Variants in EIF2AK3 observed in about 807,000 individuals in gnomAD.
The protein encoded by EIF2AK3 is eukaryotic translation initiation factor 2 alpha kinase 3.
EIF2AK3 carries 50 observed loss-of-function variants against 113.5 expected under a neutral mutation model. The ratio of observed to expected loss-of-function variants is 0.44; its 90% CI spans 0.35 to 0.56. The LOEUF is 0.56. Among genes scored for constraint, EIF2AK3 ranks in the 20% least tolerant of loss-of-function variants. The pLI, the probability that EIF2AK3 is intolerant of heterozygous loss-of-function variation, is 0.00. For synonymous variants in EIF2AK3, 448 were observed against 495.4 expected (o/e 0.90, Z 1.27); for missense variants, 1,185 against 1,378.0 (o/e 0.86, Z 2.22).
intron 10 of EIF2AK3, among the ~76,000 whole-genome samples, chr2:88,580,270 C>T (rs78355756): frequency 0.015 from 2,247 of 152,258 alleles, 56 homozygotes; most frequent in African/African-American, 0.051. Flanking sequence ...CTTCACTGAC[C>T]TGCACTGTAT....
intron 15 of EIF2AK3, among the ~76,000 whole-genome samples, chr2:88,560,243 C>T (rs1673913335): frequency 1.3e-5 from 2 of 152,098 alleles, no homozygotes; most frequent in African/African-American, 4.8e-5. Context: ...TGCTTATTGG[C>T]CATTTGTTTA....
rs2104411563 is a variant in EIF2AK3, at chr2:88,575,172, C to T, written c.2311G>A (p.Val771Met). The T allele has an allele frequency of 8.7e-6, 14 of 1,613,692 alleles. No individual in the cohort carries two copies. In the Middle Eastern group the frequency reaches 8.2e-4, roughly 95 times the overall value. The change falls in exon 13 of 17, where the codon GTG becomes ATG. Residue 771 changes from valine (V) to methionine (M), a missense_variant. By Grantham distance (21) the Val-to-Met change is conservative. Transcript: ENST00000303236. Reference protein sequence around the residue: ...LQDSCLTDCDVEDGTMDGNDE... With the variant: ...LQDSCLTDCDMEDGTMDGNDE... ...TTGCCATCCATAGTCCCATCTTCCACATCACAGTCTGTAAGGCAACTGTCC... is the reference window on the plus strand; with the variant it reads ...TTGCCATCCATAGTCCCATCTTCCATATCACAGTCTGTAAGGCAACTGTCC...
Position 88,575,100 on chromosome 2 carries a change from A to G in EIF2AK3, c.2383T>C (p.Tyr795His). 1 of 1,614,200 alleles carries G rather than the reference A, an allele frequency of 6.2e-7. No homozygotes were observed. Among genetic ancestry groups the G allele is most frequent in the South Asian group, 1.1e-5 (1 of 91,092 alleles). Residue 795 changes from tyrosine (Y) to histidine (H), a missense_variant, in exon 13 of 17, where the codon TAT becomes CAT. Coordinates refer to ENST00000303236, the MANE Select transcript of EIF2AK3 (RefSeq NM_004836.7). The part of the protein sequence containing the change: ...FELCPSEASP[Y>H]VRSRERTSSS... ...GAGGTTCTCTCCCTTGACCTTACAT[A>G]AGGAGAAGCTTCAGAAGGACAAAGT...
intron 13 of EIF2AK3, 102 bp from the exon 14 acceptor site, chr2:88,571,143 G>C (rs1024888900): frequency 1.5e-6 from 2 of 1,353,928 alleles, no homozygotes; most frequent in African/African-American, 2.9e-5. Flanking sequence ...CAACAAACTA[G>C]ATATTTTCAA....
intron 15 of EIF2AK3, among the ~76,000 whole-genome samples, chr2:88,559,604 G>A (rs1673887059): frequency 1.3e-5 from 2 of 149,858 alleles, no homozygotes; most frequent in Admixed American, 6.7e-5. Context: ...AGAGAAAGGG[G>A]AGAGAGAGAG....
Position 88,571,032 on chromosome 2 carries a change from T to C in EIF2AK3, c.2827A>G (p.Ile943Val), listed in dbSNP as rs1238631613. 2 of 1,614,136 alleles carry C rather than the reference T, an allele frequency of 1.2e-6. No homozygotes were observed. The highest frequency in any genetic ancestry group is 1.7e-6 in the Non-Finnish European group (2 of 1,180,020). The change falls in exon 14 of 17, where the codon ATA becomes GTA. Residue 943 changes from isoleucine (I) to valine (V), a missense_variant. Coordinates refer to ENST00000303236, the MANE Select transcript of EIF2AK3 (RefSeq NM_004836.7). ...ACCACATCATCCATTGTAAAGAATA[T>C]GTTGGATGGCTGGAAAGAATACAAC... ...LMHRDLKPSN[I>V]FFTMDDVVKV... is the part of the protein sequence containing the mutation.
chr2:88,587,955 T>A, intron 8 of EIF2AK3, 27 bp downstream of exon 8: 2 of 1,458,800 alleles, frequency 1.4e-6, no homozygotes, highest in Non-Finnish European at 1.9e-6. Flanking sequence ...AAAAATAAAA[T>A]AAATAAAACT....
rs983948877 is a variant in EIF2AK3 at position 88,611,501 on chromosome 2, ATTTTC to A, written c.438+2218_438+2222del. Among the ~76,000 whole-genome samples the A allele has an allele frequency of 1.3e-4, 19 of 151,904 alleles. No individual in the cohort carries two copies. The South Asian group carries it at 3.5e-3, about 28-fold the overall frequency. On this transcript the variant is annotated intron_variant, in intron 2 of 16. Transcript: ENST00000303236. ...ATCGCAGCTGTTTCAATACCTTCAG[ATTTTC>A]TTTTTTTTTTTCTATGAAGTAGAAA...
chr2:88,561,473 G>C (rs1021000822), intron 15 of EIF2AK3, among the ~76,000 whole-genome samples: 2 of 152,082 alleles, frequency 1.3e-5, no homozygotes, highest in Non-Finnish European at 2.9e-5. Context: ...GTGTTAGCCA[G>C]GATGATCTTG....
At chr2:88,565,676 A>T (rs1218458464) in intron 14 of EIF2AK3, among the ~76,000 whole-genome samples, 1 of 152,222 alleles carries the variant, frequency 6.6e-6, no homozygotes, top group Non-Finnish European at 1.5e-5. Flanking sequence ...ACTATGTAGA[A>T]AAATTGGATC....
At chr2:88,587,685 C>T (rs902454182) in intron 8 of EIF2AK3, among the ~76,000 whole-genome samples, 7 of 152,068 alleles carry the variant, frequency 4.6e-5, no homozygotes, top group African/African-American at 1.2e-4. Flanking sequence ...ACTTTGCCTG[C>T]GTTATCTCAT....
rs1674785067 is a variant in EIF2AK3, at chr2:88,588,075, C to G, written c.1336G>C (p.Gly446Arg). 1 of 1,529,416 alleles carries G rather than the reference C, an allele frequency of 6.5e-7. No homozygotes were observed. The highest frequency in any genetic ancestry group is 9.0e-7 in the Non-Finnish European group (1 of 1,111,672). The allele number at this position is 1,529,416 out of a possible 1,614,324, so 94.7% of individuals were successfully genotyped here. A position where few individuals can be genotyped will look rare whatever the true frequency, so the allele number is the denominator to read the frequency against. ...AGACATTTGTCAAATTCATCAGATCCTACCAAGACAGGAGTTCTGGAAGGA... is the reference window on the plus strand; with the variant it reads ...AGACATTTGTCAAATTCATCAGATCGTACCAAGACAGGAGTTCTGGAAGGA... Reference protein sequence around the residue: ...HSPSRTPVLVGSDEFDKCLSN... With the variant: ...HSPSRTPVLVRSDEFDKCLSN... The change falls in exon 8 of 17, where the codon GGA becomes CGA. Residue 446 changes from glycine (G) to arginine (R), a missense_variant. Gly to Arg is a moderately radical substitution (Grantham distance 125). Coordinates refer to ENST00000303236, the MANE Select transcript of EIF2AK3 (RefSeq NM_004836.7).
chr2:88,582,740 C>T (rs769482242), intron 10 of EIF2AK3, among the ~76,000 whole-genome samples: 1 of 152,026 alleles, frequency 6.6e-6, no homozygotes, highest in Non-Finnish European at 1.5e-5. Context: ...ATCTTTTCTG[C>T]CATAAAATCA....
rs931792857 is a variant in EIF2AK3 at position 88,590,813 on chromosome 2, G to A, written c.1002+5C>T. ...GTATTTTAAATCCTCAGTGGTGTTA[G>A]GTACCTGGTACTCCCATTCCAGATG... is the stretch of plus-strand genomic sequence containing the variant. On this transcript the variant is annotated splice_donor_5th_base_variant and intron_variant, in intron 5 of 16. Coordinates refer to ENST00000303236, the MANE Select transcript of EIF2AK3 (RefSeq NM_004836.7). 6.2e-7 allele frequency: 1 copy of A among 1,613,746 alleles called. No individual in the cohort carries two copies. Among genetic ancestry groups the A allele is most frequent in the Middle Eastern group, 1.7e-4 (1 of 6,058 alleles).
chr2:88,626,894 G>A (rs955200316), intron 1 of EIF2AK3, 73 bp downstream of exon 1: 23 of 1,557,514 alleles, frequency 1.5e-5, no homozygotes, highest in Non-Finnish European at 1.9e-5. Context: ...CCGGATCTCC[G>A]CCCCCCTACA....
At chr2:88,585,382 T>C (rs1401438964) in intron 9 of EIF2AK3, among the ~76,000 whole-genome samples, 2 of 152,100 alleles carry the variant, frequency 1.3e-5, no homozygotes, top group Non-Finnish European at 2.9e-5. Context: ...AGTGCCTGTG[T>C]AGCACTTACT....
At chr2:88,576,410 G>A in intron 12 of EIF2AK3, 144 bp downstream of exon 12, 3 of 1,193,748 alleles carry the variant, frequency 2.5e-6, no homozygotes, top group Non-Finnish European at 3.5e-6. Context: ...TTCACAAGTG[G>A]CTAGAGAACT....
chr2:88,626,503 T>C (rs1279827420), intron 1 of EIF2AK3, among the ~76,000 whole-genome samples: 1 of 152,194 alleles, frequency 6.6e-6, no homozygotes, highest in Non-Finnish European at 1.5e-5. Flanking sequence ...GACACTGATC[T>C]CAATCCTTGT....
intron 14 of EIF2AK3, 55 bp downstream of exon 14, chr2:88,570,819 G>C: frequency 6.3e-7 from 1 of 1,598,142 alleles, no homozygotes; most frequent in Non-Finnish European, 8.6e-7. Flanking sequence ...CATGAGAAGA[G>C]ATTCATCAGG....
Sources: gnomAD v4.1 joint callset for allele counts (sites outside exome capture counted in the v4.1 genomes callset) on GRCh38, gnomAD v4.1.1 for gene constraint, MANE v1.5 for transcripts, NCBI Gene and HGNC (gene_info 2026-07-23, HGNC 2026-07-21) for gene names.